The following ARAP1 variants were observed in gnomAD, a reference collection of about 807,000 sequenced individuals.
ARAP1 encodes arf-GAP with Rho-GAP domain, ANK repeat and PH domain-containing protein 1.
A neutral mutation model predicts 172.2 loss-of-function variants in ARAP1; 76 were observed. The observed-to-expected ratio is 0.44, with a 90% CI of 0.37 to 0.53. The LOEUF (loss-of-function observed/expected upper bound fraction) is 0.53. Among genes scored for constraint, ARAP1 ranks in the 20% least tolerant of loss-of-function variants. The pLI is 0.00. For synonymous variants in ARAP1, 804 were observed against 803.3 expected, an observed-to-expected ratio of 1.00 and a Z score of -0.01; for missense variants, 1,686 against 1,977.5, an observed-to-expected ratio of 0.85 and a Z score of 2.80.
rs56901594 is a variant in ARAP1 at position 72,728,261 on chromosome 11, G to T, written c.-44-1089C>A. 4.1e-3 allele frequency among the ~76,000 whole-genome samples: 630 copies of T among 152,300 alleles called. 3 individuals carry two copies. The highest frequency in any genetic ancestry group is 0.014 in the African/African-American group (602 of 41,572). ...GTCAACTGAGAAACTATAACAACCA[G>T]TAAAGACTTTAGTAAGACAGTTGGG... On this transcript the variant is annotated intron_variant, in intron 2 of 34. Transcript: ENST00000393609.
intron 3 of ARAP1, chr11:72,722,101 G>A (rs904925674): frequency 4.1e-5 from 40 of 985,342 alleles, no homozygotes; most frequent in East Asian, 1.1e-4. Flanking sequence ...CTCTACGTGC[G>A]TGTGTGTTTG....
chr11:72,695,488 G>A lies in ARAP1; in HGVS notation c.3508-33C>T, dbSNP rs1350555711. On this transcript the variant is annotated intron_variant, in intron 25 of 34. Coordinates refer to ENST00000393609, the MANE Select transcript of ARAP1 (RefSeq NM_001040118.3). This position sits in a 1 kb window ranked among gnomAD's most constrained non-coding sequence, Gnocchi z 4.4. ...GAGACAGGGCTCAGCTGGGGGCCTA[G>A]GAAATGGGTGCAGGTGGCAGGTCCA... 1 of 1,614,234 alleles carries A rather than the reference G, an allele frequency of 6.2e-7. No individual in the cohort carries two copies. The highest frequency in any genetic ancestry group is 1.7e-5 in the Admixed American group (1 of 60,034).
At position 72,726,633 on chromosome 11, in the gene ARAP1, G is replaced by C. The variant is rs767671987; in HGVS notation, c.496C>G (p.Arg166Gly). ...GCATCCACTCACCTCACCAGCAGGC[G>C]GGGGGGTCCGGTGCGGGGCGGCACG... ...PPVPPRTGPPRLLVSLPTKEE... is the reference protein window; with the variant it reads ...PPVPPRTGPPGLLVSLPTKEE... Residue 166 changes from arginine to glycine, a missense_variant, in exon 3 of 35, where the codon CGC (arginine) becomes GGC (glycine). This residue lies in a region of ARAP1 where 155 missense variants were observed against 129.2 expected (regional missense o/e 1.20). Coordinates refer to ENST00000393609, the MANE Select transcript of ARAP1 (RefSeq NM_001040118.3). The surrounding 1 kb of genome is among the most constrained non-coding windows in gnomAD (Gnocchi z 6.5). The C allele has an allele frequency of 1.4e-5, 21 of 1,513,170 alleles. No homozygotes were observed. The Admixed American group carries it at 3.2e-4, about 23-fold the overall frequency. 93.7% of individuals were successfully genotyped at this position (1,513,170 alleles called of 1,614,324 possible).
At chr11:72,708,792 T>C (rs1770318087) in intron 11 of ARAP1, among the ~76,000 whole-genome samples, 1 of 152,128 alleles carries the variant, frequency 6.6e-6, no homozygotes, top group Admixed American at 6.5e-5. Flanking sequence ...ATCCCGGCAC[T>C]TTGGGAGGCC....
intron 2 of ARAP1, among the ~76,000 whole-genome samples, chr11:72,730,367 T>C (rs1401199203): frequency 6.6e-6 from 1 of 152,130 alleles, no homozygotes; most frequent in Admixed American, 6.5e-5. Flanking sequence ...CAGGCATTGG[T>C]GATGTGGTAG....
intron 11 of ARAP1, 118 bp downstream of exon 11, chr11:72,709,752 A>AG: frequency 9.7e-7 from 1 of 1,030,328 alleles, no homozygotes; most frequent in South Asian, 1.3e-5. Context: ...CAGGTGGGGC[A>AG]GGGCGGGGCA....
intron 3 of ARAP1, among the ~76,000 whole-genome samples, chr11:72,715,181 G>A (rs1857218687): frequency 6.6e-6 from 1 of 152,200 alleles, no homozygotes; most frequent in African/African-American, 2.4e-5. Flanking sequence ...TGTGAAACGG[G>A]GGCTATATCA....
chr11:72,693,635 C>T lies in ARAP1; in HGVS notation c.3808+57G>A. 1.3e-6 allele frequency: 2 copies of T among 1,546,820 alleles called. No homozygotes were observed. Among genetic ancestry groups the T allele is most frequent in the South Asian group, 1.2e-5 (1 of 83,378 alleles). On this transcript the variant is annotated intron_variant, in intron 28 of 34. Transcript: ENST00000393609. The surrounding 1 kb of genome is among the most constrained non-coding windows in gnomAD (Gnocchi z 4.6). ...CCTACCTGGCACCACCAGGTCCCAC[C>T]CTGGCTCTGGAAGAGAGGACCACCC...
In ARAP1 at chr11:72,710,926, C is replaced by G. The variant is rs112319915; in HGVS notation, c.1213+95G>C. 2,181 of 1,579,096 alleles carry G rather than the reference C, an allele frequency of 1.4e-3. 38 individuals carry two copies. The African/African-American group carries it at 0.027, about 19-fold the overall frequency. ...CCTCCCCGGATGTGATGTGAGAGGG[C>G]AGATGCACCATGACTCTCTTCCCCC... On this transcript the variant is annotated intron_variant, in intron 9 of 34. Coordinates refer to ENST00000393609, the MANE Select transcript of ARAP1 (RefSeq NM_001040118.3). The surrounding 1 kb of genome is among the most constrained non-coding windows in gnomAD (Gnocchi z 4.3).
In ARAP1 at chr11:72,709,983, G is replaced by A. The variant is rs780936507; in HGVS notation, c.1417-7C>T. The A allele has an allele frequency of 6.2e-7, 1 of 1,610,720 alleles. No individual in the cohort carries two copies. The highest frequency in any genetic ancestry group is 1.3e-5 in the African/African-American group (1 of 74,896). On this transcript the variant is annotated splice_polypyrimidine_tract_variant and splice_region_variant and intron_variant, in intron 10 of 34. Coordinates refer to ENST00000393609, the MANE Select transcript of ARAP1 (RefSeq NM_001040118.3). ...CAATGCCCAGGTGGTACTCCTGGAG[G>A]GCAGATGGGACGGGATGAGGGCAAG...
intron 22 of ARAP1, 67 bp from the exon 23 acceptor site, chr11:72,696,721 T>G: frequency 7.3e-7 from 1 of 1,367,298 alleles, no homozygotes; most frequent in African/African-American, 1.4e-5. Flanking sequence ...CCGCCTGGGC[T>G]GCTGTGCCTC....
rs1856034061 is a variant in ARAP1 at position 72,693,556 on chromosome 11, G to C, written c.3809-86C>G. 19 of 1,554,234 alleles carry C rather than the reference G, an allele frequency of 1.2e-5. No homozygotes were observed. The highest frequency in any genetic ancestry group is 1.4e-5 in the Non-Finnish European group (16 of 1,147,546). Reference sequence around the variant, plus strand: ...AGGATGAAGGAAGCTGCCCCATCCTGCCCCAGCCTCTCCATAGAGGCCCAC... The same window carrying C: ...AGGATGAAGGAAGCTGCCCCATCCTCCCCCAGCCTCTCCATAGAGGCCCAC... On this transcript the variant is annotated intron_variant, in intron 28 of 34. Transcript: ENST00000393609. The surrounding 1 kb of genome is among the most constrained non-coding windows in gnomAD (Gnocchi z 4.6).
intron 33 of ARAP1, 74 bp from the exon 34 acceptor site, chr11:72,686,265 T>G: frequency 6.5e-7 from 1 of 1,527,672 alleles, no homozygotes; most frequent in South Asian, 1.3e-5. Context: ...CTGCCCACCC[T>G]TCCCAGAAAT....
intron 3 of ARAP1, among the ~76,000 whole-genome samples, chr11:72,724,104 C>T (rs530164077): frequency 6.6e-6 from 1 of 152,266 alleles, no homozygotes; most frequent in Admixed American, 6.5e-5. Context: ...CATGCTTCTA[C>T]ATCTTAGTAG....
At chr11:72,697,288 A>C in intron 21 of ARAP1, 35 bp downstream of exon 21, 1 of 1,515,382 alleles carries the variant, frequency 6.6e-7, no homozygotes, top group Non-Finnish European at 8.9e-7. Flanking sequence ...GCTCTCCGGG[A>C]GGGGCGGGGC....
Position 72,699,509 on chromosome 11 carries a change from G to C in ARAP1, c.2346C>G (p.Ser782Arg), listed in dbSNP as rs1856377150. The C allele has an allele frequency of 6.2e-7, 1 of 1,613,790 alleles. No homozygotes were observed. Among genetic ancestry groups the C allele is most frequent in the East Asian group, 2.2e-5 (1 of 44,870 alleles). ...TCACTGCCCGCTCATTCTCAAAGTA[G>C]CTCAGGACCCCGTCACCAAGGACAC... ...RWCVLGDGVL[S>R]YFENERAVTP... The change falls in exon 17 of 35, where the codon AGC (serine) becomes AGG (arginine). Residue 782 changes from serine (S) to arginine (R), a missense_variant. Coordinates refer to ENST00000393609, the MANE Select transcript of ARAP1 (RefSeq NM_001040118.3). The surrounding 1 kb of genome is among the most constrained non-coding windows in gnomAD (Gnocchi z 4.2).
Position 72,703,089 on chromosome 11 carries a change from G to A in ARAP1, c.1993-10C>T. The A allele has an allele frequency of 1.3e-6, 2 of 1,545,272 alleles. No homozygotes were observed. Among genetic ancestry groups the A allele is most frequent in the East Asian group, 4.6e-5 (2 of 43,866 alleles). On this transcript the variant is annotated splice_polypyrimidine_tract_variant and intron_variant, in intron 14 of 34. Coordinates refer to ENST00000393609, the MANE Select transcript of ARAP1 (RefSeq NM_001040118.3). The stretch of plus-strand genomic sequence containing the variant: ...CTGCAGCACACAGGGCCTAGGAAGA[G>A]GCAGGGGAGGGTCAGCCCAAGAAGG...
At chr11:72,697,746 C>T in intron 19 of ARAP1, 97 bp from the exon 20 acceptor site, 1 of 1,561,700 alleles carries the variant, frequency 6.4e-7, no homozygotes, top group Non-Finnish European at 8.7e-7. Context: ...TGAGACCCGC[C>T]CACCAATGTA....
chr11:72,717,539 C>T (rs1167071211), intron 3 of ARAP1, among the ~76,000 whole-genome samples: 2 of 152,240 alleles, frequency 1.3e-5, no homozygotes, highest in African/African-American at 4.8e-5. Context: ...CATCTCCCAT[C>T]ACTGTCCTGA....
Sources: gnomAD v4.1 joint callset for allele counts (sites outside exome capture counted in the v4.1 genomes callset) on GRCh38, gnomAD v4.1.1 for gene constraint, gnomAD v4.1.1 regional missense constraint, Gnocchi (gnomAD v3.1) non-coding constraint, MANE v1.5 for transcripts, NCBI Gene and HGNC (gene_info 2026-07-23, HGNC 2026-07-21) for gene names.